Variants in POP1 observed in about 807,000 individuals in gnomAD.
POP1 encodes the protein POP1 ribonuclease P/MRP subunit, also known as ribonucleases P/MRP protein subunit POP1.
In POP1, 75 loss-of-function variants were observed where a neutral mutation model predicts 102.2. The ratio of observed to expected loss-of-function variants is 0.73; its 90% CI spans 0.61 to 0.89. POP1 has a LOEUF of 0.89. Among genes scored for constraint, POP1 ranks in the 40% least tolerant of loss-of-function variants. The pLI is 0.00. For synonymous variants in POP1, 436 were observed against 464.1 expected, an observed-to-expected ratio of 0.94 and a Z score of 0.78; for missense variants, 1,116 against 1,267.4, an observed-to-expected ratio of 0.88 and a Z score of 1.81.
intron 12 of POP1, among the ~76,000 whole-genome samples, chr8:98,148,304 T>C (rs1468659210): frequency 3.3e-5 from 5 of 152,188 alleles, no homozygotes. Flanking sequence ...TTAATCTCTT[T>C]TTACAGCTCC....
At chr8:98,157,128 C>G (rs1297439225) in intron 15 of POP1, among the ~76,000 whole-genome samples, 2 of 152,152 alleles carry the variant, frequency 1.3e-5, no homozygotes, top group Non-Finnish European at 2.9e-5. Flanking sequence ...CCGCCCACCT[C>G]AGCCTCCCAA....
Position 98,128,539 on chromosome 8 carries a change from A to G in POP1, c.485A>G (p.Glu162Gly). The change falls in exon 4 of 16, where the codon GAG becomes GGG. Residue 162 changes from glutamate to glycine, a missense_variant and splice_region_variant. Coordinates refer to ENST00000401707, the MANE Select transcript of POP1 (RefSeq NM_001145860.2). ...CGGTTACAGGAGATTGCCCAGAAAGAGGTAGGAGTTCCACTTAGTGTAAAT... is the reference window on the plus strand; with the variant it reads ...CGGTTACAGGAGATTGCCCAGAAAGGGGTAGGAGTTCCACTTAGTGTAAAT... The part of the protein sequence containing the change: ...PRRLQEIAQK[E>G]AEKAVHQKKE... 9.9e-6 allele frequency: 16 copies of G among 1,613,862 alleles called. No homozygotes were observed. Among genetic ancestry groups the G allele is most frequent in the Non-Finnish European group, 1.4e-5 (16 of 1,179,802 alleles).
intron 1 of POP1, among the ~76,000 whole-genome samples, chr8:98,119,773 T>C (rs1375127541): frequency 2.6e-5 from 4 of 152,210 alleles, no homozygotes; most frequent in Non-Finnish European, 5.9e-5. Context: ...GGATGAGTTC[T>C]CACTATGTTG....
At chr8:98,155,274 T>TTAC (rs1228660956) in intron 14 of POP1, among the ~76,000 whole-genome samples, 1 of 152,138 alleles carries the variant, frequency 6.6e-6, no homozygotes, top group African/African-American at 2.4e-5. Context: ...GAATTGGTTA[T>TTAC]TATTATTATT....
chr8:98,122,966 T>C (rs1378289119), intron 1 of POP1, among the ~76,000 whole-genome samples: 1 of 152,244 alleles, frequency 6.6e-6, no homozygotes, highest in Non-Finnish European at 1.5e-5. Context: ...ATCTGAGTAG[T>C]AGAAATGAAA....
intron 6 of POP1, 138 bp downstream of exon 6, chr8:98,134,174 G>A: frequency 2.6e-6 from 2 of 755,114 alleles, no homozygotes; most frequent in Admixed American, 4.5e-5. Flanking sequence ...CAATGAAAAT[G>A]TTAACTTAAA....
At chr8:98,124,702 T>C (rs1032392781) in intron 2 of POP1, among the ~76,000 whole-genome samples, 2 of 152,224 alleles carry the variant, frequency 1.3e-5, no homozygotes, top group Non-Finnish European at 2.9e-5. Context: ...TAATGAAAAT[T>C]GGCTATGCAT....
Position 98,146,631 on chromosome 8 carries a change from TCTGGA to T in POP1, c.1659_1663del (p.Trp554ProfsTer5). 6.2e-7 allele frequency: 1 copy of T among 1,614,072 alleles called. No homozygotes were observed. The highest frequency in any genetic ancestry group is 8.5e-7 in the Non-Finnish European group (1 of 1,179,936). On this transcript the variant is annotated frameshift_variant, in exon 12 of 16. Transcript: ENST00000401707. LOFTEE classifies it high-confidence loss of function. ...CCTGTGGAATGTACGCATAGCTTTATCTGGAACCAAGATATCTGTAAGAGTGTCAC... is the reference window on the plus strand; with the variant it reads ...CCTGTGGAATGTACGCATAGCTTTATACCAAGATATCTGTAAGAGTGTCAC...
chr8:98,147,458 TGG>T (rs2130621713), intron 12 of POP1, among the ~76,000 whole-genome samples: 1 of 152,238 alleles, frequency 6.6e-6, no homozygotes, highest in South Asian at 2.1e-4. Flanking sequence ...AAGACACAAA[TGG>T]GGCTACAGCA....
In POP1 at chr8:98,130,061, A is replaced by G; in HGVS notation, c.570A>G (p.Leu190=). The part of the protein sequence containing the change: ...KARRCHMNRT[L]EFNRRQKKNI... ...GAAGATGTCACATGAACCGGACGCT[A>G]GAATTTAACCGTAGACAAAAGAAGA... is the stretch of plus-strand genomic sequence containing the variant. The change falls in exon 5 of 16, where the codon CTA becomes CTG. Residue 190 remains leucine (L), a synonymous_variant. Coordinates refer to ENST00000401707, the MANE Select transcript of POP1 (RefSeq NM_001145860.2). 4.3e-6 allele frequency: 7 copies of G among 1,614,206 alleles called. No individual in the cohort carries two copies. The highest frequency in any genetic ancestry group is 5.9e-6 in the Non-Finnish European group (7 of 1,180,026).
intron 13 of POP1, among the ~76,000 whole-genome samples, chr8:98,149,306 TA>T (rs1236422022): frequency 6.6e-6 from 1 of 152,218 alleles, no homozygotes; most frequent in Non-Finnish European, 1.5e-5. Context: ...AAATTTGTTA[TA>T]AGTTTAAAAG....
In POP1 at chr8:98,140,817, C is replaced by T. The variant is rs1816680197; in HGVS notation, c.1523C>T (p.Thr508Ile). 6.2e-7 allele frequency: 1 copy of T among 1,613,666 alleles called. No individual in the cohort carries two copies. The highest frequency in any genetic ancestry group is 1.3e-5 in the African/African-American group (1 of 74,920). Reference protein sequence around the residue: ...EIPAGTILGLTVGDPRINLPQ... With the variant: ...EIPAGTILGLIVGDPRINLPQ... ...CCGGCAGGTACTATTCTGGGACTGA[C>T]AGTTGGGGATCCTCGAATAAATTTG... The change falls in exon 11 of 16, where the codon ACA becomes ATA. Residue 508 changes from threonine to isoleucine, a missense_variant. Coordinates refer to ENST00000401707, the MANE Select transcript of POP1 (RefSeq NM_001145860.2).
intron 11 of POP1, among the ~76,000 whole-genome samples, chr8:98,145,502 G>A (rs142664683): frequency 1.4e-3 from 212 of 152,290 alleles, no homozygotes; most frequent in Non-Finnish European, 2.4e-3. Context: ...TATCAATATA[G>A]AAGTTTGTCA....
chr8:98,141,014 T>A, intron 11 of POP1, 126 bp downstream of exon 11: 6 of 1,096,210 alleles, frequency 5.5e-6, no homozygotes, highest in Non-Finnish European at 6.8e-6. Context: ...GCAGTCTCCT[T>A]ACCTGCCCAC....
At position 98,149,643 on chromosome 8, in the gene POP1, A is replaced by G. The variant is rs972269080; in HGVS notation, c.1902+637A>G. Reference sequence around the variant, plus strand: ...GTGGTGGTGCATACCTGTAATCCCAACTCCTTGGGAGGCTGAGGCATAAGA... The same window carrying G: ...GTGGTGGTGCATACCTGTAATCCCAGCTCCTTGGGAGGCTGAGGCATAAGA... On this transcript the variant is annotated intron_variant, in intron 13 of 15. Transcript: ENST00000401707. 7.2e-5 allele frequency among the ~76,000 whole-genome samples: 11 copies of G among 151,914 alleles called. No individual in the cohort carries two copies. In the South Asian group the frequency reaches 2.3e-3, roughly 32 times the overall value.
intron 11 of POP1, among the ~76,000 whole-genome samples, chr8:98,141,694 C>T (rs979791533): frequency 1.1e-4 from 17 of 151,224 alleles, no homozygotes; most frequent in African/African-American, 3.9e-4. Context: ...GCTGAAATTA[C>T]AGGCATCCAC....
At chr8:98,129,882 C>T in intron 4 of POP1, 96 bp from the exon 5 acceptor site, 1 of 1,378,802 alleles carries the variant, frequency 7.3e-7, no homozygotes, top group Non-Finnish European at 1.0e-6. Context: ...ATAAAATATT[C>T]CACTTAATCT....
chr8:98,145,970 G>A (rs1371634280), intron 11 of POP1, among the ~76,000 whole-genome samples: 1 of 152,076 alleles, frequency 6.6e-6, no homozygotes, highest in African/African-American at 2.4e-5. Flanking sequence ...ATATAAATAG[G>A]TTATCAGAGA....
rs747272720 is a variant in POP1, at chr8:98,128,543, A to G, written c.486+3A>G. On this transcript the variant is annotated splice_donor_region_variant and intron_variant, in intron 4 of 15. Transcript: ENST00000401707. ...TACAGGAGATTGCCCAGAAAGAGGTAGGAGTTCCACTTAGTGTAAATGTTT... is the reference window on the plus strand; with the variant it reads ...TACAGGAGATTGCCCAGAAAGAGGTGGGAGTTCCACTTAGTGTAAATGTTT... 5.6e-6 allele frequency: 9 copies of G among 1,613,666 alleles called. No individual in the cohort carries two copies. The Admixed American group carries it at 6.7e-5, about 12-fold the overall frequency.
Sources: gnomAD v4.1 joint callset for allele counts (sites outside exome capture counted in the v4.1 genomes callset) on GRCh38, gnomAD v4.1.1 for gene constraint, MANE v1.5 for transcripts, NCBI Gene and HGNC (gene_info 2026-07-23, HGNC 2026-07-21) for gene names.